Variants in NCAM2 observed in about 807,000 individuals in gnomAD.
NCAM2 encodes the protein neural cell adhesion molecule 2.
A neutral mutation model predicts 98.1 loss-of-function variants in NCAM2; 30 were observed. That is an observed-to-expected ratio of 0.31 (90% CI 0.23 to 0.41). The LOEUF is 0.41. Ranked by LOEUF, NCAM2 falls within the 10% of genes least tolerant of loss-of-function variation. NCAM2 has a pLI of 1.00. For missense variants in NCAM2, 867 were observed against 1,005.8 expected, an observed-to-expected ratio of 0.86 and a Z score of 1.87; for synonymous variants, 368 against 342.4, an observed-to-expected ratio of 1.07 and a Z score of -0.83.
At chr21:21,385,396 ACACG>A (rs1395962556) in intron 9 of NCAM2, among the ~76,000 whole-genome samples, 7 of 60,702 alleles carry the variant, frequency 1.2e-4, no homozygotes, top group Non-Finnish European at 1.7e-4. Context: ...ACACACACAC[ACACG>A]CACACACACA....
chr21:21,249,171 A>G (rs942028675), intron 1 of NCAM2, among the ~76,000 whole-genome samples: 5 of 152,180 alleles, frequency 3.3e-5, no homozygotes, highest in African/African-American at 1.2e-4. Flanking sequence ...AATATCCATG[A>G]TCCTTTCCTC....
At chr21:21,407,548 C>A (rs1277958543) in intron 9 of NCAM2, among the ~76,000 whole-genome samples, 1 of 152,124 alleles carries the variant, frequency 6.6e-6, no homozygotes, top group Non-Finnish European at 1.5e-5. Context: ...ACATTGTGGA[C>A]AGAGTGTGAC....
At chr21:21,204,307 A>G (rs2069352247) in intron 1 of NCAM2, among the ~76,000 whole-genome samples, 1 of 152,132 alleles carries the variant, frequency 6.6e-6, no homozygotes, top group Non-Finnish European at 1.5e-5. Context: ...ATTATTATTT[A>G]TGATGCCCTA....
At chr21:21,513,660 T>C (rs897102051) in intron 16 of NCAM2, among the ~76,000 whole-genome samples, 3 of 152,142 alleles carry the variant, frequency 2.0e-5, no homozygotes, top group South Asian at 4.1e-4. Context: ...GAGAAGAAAG[T>C]GTATTCTTAA....
rs546475184 is a variant in NCAM2 at position 21,394,944 on chromosome 21, C to T, written c.1196-15330C>T. 2.6e-5 allele frequency among the ~76,000 whole-genome samples: 4 copies of T among 152,184 alleles called. No homozygotes were observed. In the South Asian group the frequency reaches 8.3e-4, roughly 32 times the overall value. ...CATACTTATCCTGGTTTTCATTCATCCATTTTACTGTTATTGACTGAATAG... is the reference window on the plus strand; with the variant it reads ...CATACTTATCCTGGTTTTCATTCATTCATTTTACTGTTATTGACTGAATAG... On this transcript the variant is annotated intron_variant, in intron 9 of 17. Coordinates refer to ENST00000400546, the MANE Select transcript of NCAM2 (RefSeq NM_004540.5).
chr21:21,096,490 C>T (rs980963691), intron 1 of NCAM2, among the ~76,000 whole-genome samples: 1 of 151,644 alleles, frequency 6.6e-6, no homozygotes, highest in Non-Finnish European at 1.5e-5. Context: ...AGATAAAAAA[C>T]AAATATGTAT....
At chr21:21,455,448 T>C (rs531806102) in intron 12 of NCAM2, among the ~76,000 whole-genome samples, 3 of 152,018 alleles carry the variant, frequency 2.0e-5, no homozygotes, top group Admixed American at 2.0e-4. Flanking sequence ...AATAGAATAA[T>C]TCAAATAAGC....
intron 12 of NCAM2, among the ~76,000 whole-genome samples, chr21:21,435,817 G>A (rs548323718): frequency 6.6e-6 from 1 of 152,104 alleles, no homozygotes; most frequent in Non-Finnish European, 1.5e-5. Flanking sequence ...ATCTCAAATG[G>A]TGATGTGATC....
chr21:21,375,910 T>C (rs1051966893), intron 9 of NCAM2, among the ~76,000 whole-genome samples: 1 of 151,840 alleles, frequency 6.6e-6, no homozygotes, highest in Non-Finnish European at 1.5e-5. Flanking sequence ...AAACATTTGC[T>C]GTATCATAGG....
intron 12 of NCAM2, among the ~76,000 whole-genome samples, chr21:21,455,207 T>C (rs1442951627): frequency 1.1e-5 from 1 of 93,476 alleles, no homozygotes; most frequent in Non-Finnish European, 2.2e-5. Flanking sequence ...GGAAACCTAT[T>C]GGCAAAAAAA....
At chr21:21,468,855 A>G in intron 14 of NCAM2, 72 bp downstream of exon 14, 1 of 1,366,184 alleles carries the variant, frequency 7.3e-7, no homozygotes, top group Non-Finnish European at 1.0e-6. Context: ...GAATTTATAA[A>G]CATATCAGGA....
intron 16 of NCAM2, among the ~76,000 whole-genome samples, chr21:21,530,131 T>G (rs931267758): frequency 7.0e-6 from 1 of 143,476 alleles, no homozygotes; most frequent in Non-Finnish European, 1.5e-5. Flanking sequence ...TAATTATATA[T>G]GATTTAATTT....
intron 15 of NCAM2, among the ~76,000 whole-genome samples, chr21:21,496,402 T>C (rs1179781215): frequency 6.6e-6 from 1 of 152,100 alleles, no homozygotes; most frequent in Non-Finnish European, 1.5e-5. Flanking sequence ...TAATAGCCAC[T>C]TGTATATCTT....
chr21:21,192,849 T>C (rs1413600072), intron 1 of NCAM2, among the ~76,000 whole-genome samples: 2 of 152,080 alleles, frequency 1.3e-5, no homozygotes, highest in African/African-American at 4.8e-5. Context: ...AGAAGAGTCT[T>C]GAAAGAAAGA....
At chr21:21,200,414 A>G (rs973914743) in intron 1 of NCAM2, among the ~76,000 whole-genome samples, 4 of 151,668 alleles carry the variant, frequency 2.6e-5, no homozygotes, top group Non-Finnish European at 5.9e-5. Context: ...TGCCTGAAAA[A>G]AAAAAAAAAA....
chr21:21,323,570 C>G (rs1238598042), intron 5 of NCAM2, among the ~76,000 whole-genome samples: 2 of 152,112 alleles, frequency 1.3e-5, no homozygotes, highest in Non-Finnish European at 2.9e-5. Flanking sequence ...CATTGAGTCA[C>G]AATTTATCCT....
intron 8 of NCAM2, among the ~76,000 whole-genome samples, chr21:21,365,744 T>A (rs1228923021): frequency 2.6e-5 from 4 of 151,890 alleles, no homozygotes; most frequent in Non-Finnish European, 4.4e-5. Flanking sequence ...AAATAAAAAT[T>A]GTATATATTG....
chr21:21,292,532 A>C (rs990759879), intron 5 of NCAM2, among the ~76,000 whole-genome samples: 2 of 151,976 alleles, frequency 1.3e-5, no homozygotes, highest in South Asian at 4.1e-4. Flanking sequence ...AAATAAACAT[A>C]GTACAGTATC....
intron 1 of NCAM2, among the ~76,000 whole-genome samples, chr21:21,071,869 GCCTA>G (rs74389166): frequency 0.077 from 10,331 of 133,822 alleles, 473 homozygotes; most frequent in South Asian, 0.089. Context: ...TGTCATGTCT[GCCTA>G]TCTATCTATC....
Sources: gnomAD v4.1 joint callset for allele counts (sites outside exome capture counted in the v4.1 genomes callset) on GRCh38, gnomAD v4.1.1 for gene constraint, MANE v1.5 for transcripts, NCBI Gene and HGNC (gene_info 2026-07-23, HGNC 2026-07-21) for gene names.